The following AGBL1 variants were observed in gnomAD, a reference collection of about 807,000 sequenced individuals.
The protein encoded by AGBL1 is AGBL carboxypeptidase 1.
A neutral mutation model predicts 118.9 loss-of-function variants in AGBL1; 130 were observed. The ratio of observed to expected loss-of-function variants is 1.09; its 90% CI spans 0.95 to 1.26. The LOEUF is 1.26. Among genes scored for constraint, AGBL1 ranks in the 50% most tolerant of loss-of-function variants. The pLI is 0.00. For missense variants in AGBL1, 1,584 were observed against 1,298.1 expected, an observed-to-expected ratio of 1.22 and a Z score of -3.38; for synonymous variants, 555 against 478.9, an observed-to-expected ratio of 1.16 and a Z score of -2.08.
At chr15:86,368,839 A>G (rs2080929460) in intron 17 of AGBL1, among the ~76,000 whole-genome samples, 1 of 152,224 alleles carries the variant, frequency 6.6e-6, no homozygotes, top group Non-Finnish European at 1.5e-5. Context: ...TCAAAAGTGT[A>G]TTCTGAATAT....
chr15:86,580,507 A>ACG (rs573703867), intron 21 of AGBL1, among the ~76,000 whole-genome samples: 5 of 123,330 alleles, frequency 4.1e-5, no homozygotes, highest in Non-Finnish European at 7.9e-5. Context: ...TGTTACATGC[A>ACG]TATTTTTCTA....
intron 1 of AGBL1, among the ~76,000 whole-genome samples, chr15:86,089,945 A>T (rs191964361): frequency 1.2e-4 from 19 of 152,358 alleles, no homozygotes; most frequent in Non-Finnish European, 2.8e-4. Flanking sequence ...AGAGGTTAAG[A>T]TGATAATATT....
chr15:86,783,799 G>T (rs1448174058), intron 22 of AGBL1, among the ~76,000 whole-genome samples: 1 of 151,910 alleles, frequency 6.6e-6, no homozygotes, highest in Non-Finnish European at 1.5e-5. Context: ...CTGGCTAATT[G>T]TTTGTATTTT....
At chr15:86,362,797 A>T (rs1287407020) in intron 17 of AGBL1, among the ~76,000 whole-genome samples, 1 of 152,198 alleles carries the variant, frequency 6.6e-6, no homozygotes, top group Non-Finnish European at 1.5e-5. Flanking sequence ...GACCAAAGTC[A>T]GGTGGATTGC....
intron 17 of AGBL1, among the ~76,000 whole-genome samples, chr15:86,395,837 G>C (rs1270635453): frequency 1.3e-5 from 2 of 151,900 alleles, no homozygotes; most frequent in East Asian, 3.9e-4. Context: ...TAATTTTAAA[G>C]TGTTTTCTTT....
At chr15:86,501,600 A>T (rs977887293) in intron 18 of AGBL1, among the ~76,000 whole-genome samples, 15 of 151,530 alleles carry the variant, frequency 9.9e-5, no homozygotes, top group Admixed American at 7.2e-4. Flanking sequence ...TAGATCTATA[A>T]TTGTTTTGGG....
chr15:86,359,180 T>C (rs1454556755), intron 17 of AGBL1, among the ~76,000 whole-genome samples: 1 of 151,908 alleles, frequency 6.6e-6, no homozygotes, highest in African/African-American at 2.4e-5. Context: ...TTAAACTGTT[T>C]TGAGTTGATT....
intron 22 of AGBL1, among the ~76,000 whole-genome samples, chr15:86,700,766 A>G (rs12324547): frequency 0.091 from 13,908 of 152,002 alleles, 779 homozygotes; most frequent in African/African-American, 0.15. Flanking sequence ...CCCTGTTCTC[A>G]GAGAAGTTTC....
chr15:86,166,758 T>C (rs2077347909), intron 5 of AGBL1, among the ~76,000 whole-genome samples: 1 of 152,150 alleles, frequency 6.6e-6, no homozygotes, highest in East Asian at 1.9e-4. Flanking sequence ...TGCTGGACAG[T>C]GAGAAGGGTG....
At chr15:86,708,029 T>C (rs2086484065) in intron 22 of AGBL1, among the ~76,000 whole-genome samples, 1 of 152,152 alleles carries the variant, frequency 6.6e-6, no homozygotes, top group Non-Finnish European at 1.5e-5. Context: ...TCTTTCATTT[T>C]CCTTCTGTAG....
At chr15:86,611,215 A>C (rs1015191014) in intron 21 of AGBL1, among the ~76,000 whole-genome samples, 3 of 152,224 alleles carry the variant, frequency 2.0e-5, no homozygotes, top group African/African-American at 4.8e-5. Context: ...GAACAAAGAA[A>C]GAGCAACAAA....
intron 22 of AGBL1, among the ~76,000 whole-genome samples, chr15:86,790,898 A>G (rs1203909941): frequency 6.6e-6 from 1 of 152,186 alleles, no homozygotes; most frequent in Non-Finnish European, 1.5e-5. Context: ...AATCAGTCCC[A>G]AACACTAAAA....
At chr15:86,923,585 G>A (rs559268230) in intron 23 of AGBL1, among the ~76,000 whole-genome samples, 11 of 152,216 alleles carry the variant, frequency 7.2e-5, no homozygotes, top group South Asian at 2.1e-4. Flanking sequence ...ATATCCTTTC[G>A]TGCTTGGCTA....
At chr15:86,344,530 G>A (rs573786982) in intron 17 of AGBL1, among the ~76,000 whole-genome samples, 87 of 152,072 alleles carry the variant, frequency 5.7e-4, no homozygotes, top group African/African-American at 2.0e-3. Flanking sequence ...AGCTTTAGGA[G>A]GAGGCAGCAT....
At chr15:86,581,455 G>A (rs1355270033) in intron 21 of AGBL1, among the ~76,000 whole-genome samples, 1 of 152,022 alleles carries the variant, frequency 6.6e-6, no homozygotes, top group African/African-American at 2.4e-5. Context: ...TCAAAGGATG[G>A]GTTGTTTATT....
At chr15:86,982,723 T>C (rs1424866847) in intron 23 of AGBL1, among the ~76,000 whole-genome samples, 1 of 152,214 alleles carries the variant, frequency 6.6e-6, no homozygotes, top group African/African-American at 2.4e-5. Flanking sequence ...TTTAATAACA[T>C]TTTCCTTTCT....
intron 21 of AGBL1, among the ~76,000 whole-genome samples, chr15:86,632,505 A>G (rs72762042): frequency 0.11 from 17,481 of 152,048 alleles, 1,140 homozygotes; most frequent in East Asian, 0.15. Flanking sequence ...ATGAGAAAGG[A>G]GGGGAGTTTT....
intron 22 of AGBL1, among the ~76,000 whole-genome samples, chr15:86,734,816 G>T (rs2077570313): frequency 2.0e-5 from 3 of 152,094 alleles, no homozygotes; most frequent in Admixed American, 2.0e-4. Flanking sequence ...CCAAAAAGAA[G>T]ATAAAAGAGC....
At chr15:86,244,770 G>T (rs1334932819) in intron 6 of AGBL1, among the ~76,000 whole-genome samples, 1 of 152,094 alleles carries the variant, frequency 6.6e-6, no homozygotes, top group Non-Finnish European at 1.5e-5. Context: ...AGCTTATGCT[G>T]CCCACGGGGC....
Sources: gnomAD v4.1 joint callset for allele counts (sites outside exome capture counted in the v4.1 genomes callset) on GRCh38, gnomAD v4.1.1 for gene constraint, MANE v1.5 for transcripts, NCBI Gene and HGNC (gene_info 2026-07-23, HGNC 2026-07-21) for gene names.